The following SLC35F3 variants were observed in gnomAD, a reference collection of about 807,000 sequenced individuals.
SLC35F3 encodes the protein putative thiamine transporter SLC35F3.
A neutral mutation model predicts 49.9 loss-of-function variants in SLC35F3; 25 were observed. The ratio of observed to expected loss-of-function variants is 0.50; its 90% CI spans 0.37 to 0.70. SLC35F3 has a LOEUF of 0.70. SLC35F3 is among the 30% of genes least tolerant of loss of function. The pLI, the probability that SLC35F3 is intolerant of heterozygous loss-of-function variation, is 0.00. For synonymous variants in SLC35F3, 275 were observed against 265.4 expected, an observed-to-expected ratio of 1.04 and a Z score of -0.35; for missense variants, 525 against 639.8, an observed-to-expected ratio of 0.82 and a Z score of 1.94.
intron 2 of SLC35F3, among the ~76,000 whole-genome samples, chr1:233,916,686 A>G (rs1338213762): frequency 6.6e-6 from 1 of 152,254 alleles, no homozygotes; most frequent in African/African-American, 2.4e-5. Context: ...TCTATCCGCA[A>G]CTGACATTGT....
At chr1:234,116,798 G>A (rs532698975) in intron 2 of SLC35F3, among the ~76,000 whole-genome samples, 2 of 152,294 alleles carry the variant, frequency 1.3e-5, no homozygotes, top group Non-Finnish European at 2.9e-5. Context: ...ACAGGCGTGA[G>A]CCACCGCGCC....
At chr1:234,105,428 C>G (rs918596472) in intron 2 of SLC35F3, among the ~76,000 whole-genome samples, 3 of 152,168 alleles carry the variant, frequency 2.0e-5, no homozygotes, top group Admixed American at 1.3e-4. Flanking sequence ...CCCTATGGGT[C>G]AATAGGTGTT....
intron 3 of SLC35F3, among the ~76,000 whole-genome samples, chr1:234,252,675 G>C (rs1352553737): frequency 6.6e-6 from 1 of 152,134 alleles, no homozygotes; most frequent in Non-Finnish European, 1.5e-5. Flanking sequence ...ATTTTTATCT[G>C]TCAAATTAAC....
intron 2 of SLC35F3, among the ~76,000 whole-genome samples, chr1:234,184,910 C>G (rs952282244): frequency 6.6e-6 from 1 of 152,128 alleles, no homozygotes; most frequent in Non-Finnish European, 1.5e-5. Context: ...GGGCCTGCCC[C>G]CAGAGAGACT....
At chr1:234,221,278 G>A (rs1667200844) in intron 2 of SLC35F3, among the ~76,000 whole-genome samples, 1 of 152,116 alleles carries the variant, frequency 6.6e-6, no homozygotes, top group Non-Finnish European at 1.5e-5. Flanking sequence ...TAAGGGGGAG[G>A]GAGATAACTT....
intron 2 of SLC35F3, among the ~76,000 whole-genome samples, chr1:233,927,503 TAA>T: frequency 1.3e-5 from 2 of 152,206 alleles, no homozygotes; most frequent in South Asian, 4.2e-4. Flanking sequence ...GTGTACTACT[TAA>T]AAAAATTTCC....
At chr1:234,013,259 G>A (rs1663751890) in intron 2 of SLC35F3, among the ~76,000 whole-genome samples, 1 of 151,966 alleles carries the variant, frequency 6.6e-6, no homozygotes, top group Non-Finnish European at 1.5e-5. Flanking sequence ...GAAATCAAAA[G>A]GGAAATTTTT....
intron 2 of SLC35F3, among the ~76,000 whole-genome samples, chr1:234,054,616 C>T (rs553985620): frequency 3.9e-5 from 6 of 151,980 alleles, no homozygotes; most frequent in East Asian, 1.9e-4. Context: ...AGTTTATTAC[C>T]GATTGTCTGA....
At position 234,091,282 on chromosome 1, in the gene SLC35F3, T is replaced by C. The variant is rs577137119; in HGVS notation, c.284-140135T>C. On this transcript the variant is annotated intron_variant, in intron 2 of 7. Transcript: ENST00000366618. Reference sequence around the variant, plus strand: ...CTATCACCCTACCTTGAGGCTTTTGTTCTCCAGCCCTGCTGTCTGTTTACT... The same window carrying C: ...CTATCACCCTACCTTGAGGCTTTTGCTCTCCAGCCCTGCTGTCTGTTTACT... Among the ~76,000 whole-genome samples, 12 of 152,356 alleles carry C rather than the reference T, an allele frequency of 7.9e-5. 1 individual carries two copies. The East Asian group carries it at 2.1e-3, about 27-fold the overall frequency.
In SLC35F3 at chr1:234,316,648, A is replaced by C. The variant is rs761234480; in HGVS notation, c.875A>C (p.Tyr292Ser). Residue 292 changes from tyrosine to serine, a missense_variant, in exon 5 of 8, where the codon TAC (tyrosine) becomes TCC (serine). This residue lies in a region of SLC35F3 where 216 missense variants were observed against 298.1 expected (regional missense o/e 0.72). Coordinates refer to ENST00000366618, the MANE Select transcript of SLC35F3 (RefSeq NM_173508.4). ...LAIAGIVMMT[Y>S]ADGFHSHSVI... ...ATCGCTGGCATTGTGATGATGACCT[A>C]CGCTGATGGCTTCCACAGCCACTCC... 6.2e-7 allele frequency: 1 copy of C among 1,613,456 alleles called. No individual in the cohort carries two copies.
At chr1:234,216,023 T>C (rs1237484612) in intron 2 of SLC35F3, among the ~76,000 whole-genome samples, 1 of 152,194 alleles carries the variant, frequency 6.6e-6, no homozygotes, top group Non-Finnish European at 1.5e-5. Flanking sequence ...GGCTGTCTTC[T>C]TCTCTCCTCC....
chr1:234,089,019 C>T (rs937552598), intron 2 of SLC35F3, among the ~76,000 whole-genome samples: 1 of 152,190 alleles, frequency 6.6e-6, no homozygotes, highest in African/African-American at 2.4e-5. Flanking sequence ...ACCTCGGCCC[C>T]CCAGAGTGCT....
intron 2 of SLC35F3, among the ~76,000 whole-genome samples, chr1:233,927,943 A>G (rs950808270): frequency 3.9e-5 from 6 of 152,214 alleles, no homozygotes; most frequent in South Asian, 2.1e-4. Context: ...TCTGAAAATC[A>G]TATCTTATAA....
rs772985261 is a variant in SLC35F3 at position 233,905,710 on chromosome 1, C to A, written c.235C>A (p.Arg79Ser). The A allele has an allele frequency of 3.7e-5, 60 of 1,614,044 alleles. No homozygotes were observed. The highest frequency in any genetic ancestry group is 5.1e-5 in the Non-Finnish European group (60 of 1,180,032). ...CACGTCCATCGAGGAGCGGATCCTG[C>A]GCATCACTGGCTACTATGGCTACCA... The part of the protein sequence containing the change: ...GLTSIEERIL[R>S]ITGYYGYQPW... The change falls in exon 2 of 8, where the codon CGC (arginine) becomes AGC (serine). Residue 79 changes from arginine to serine, a missense_variant. By Grantham distance (110) the Arg-to-Ser change is moderately radical. Coordinates refer to ENST00000366618, the MANE Select transcript of SLC35F3 (RefSeq NM_173508.4).
Position 233,920,618 on chromosome 1 carries a change from G to A in SLC35F3, c.283+14860G>A, listed in dbSNP as rs145268538. ...AATAATCACCTCCCCTTGAGTGTGCGTGGGACCTGTGACTAACTTCTAAGC... is the reference window on the plus strand; with the variant it reads ...AATAATCACCTCCCCTTGAGTGTGCATGGGACCTGTGACTAACTTCTAAGC... On this transcript the variant is annotated intron_variant, in intron 2 of 7. Coordinates refer to ENST00000366618, the MANE Select transcript of SLC35F3 (RefSeq NM_173508.4). 2.3e-3 allele frequency among the ~76,000 whole-genome samples: 343 copies of A among 152,338 alleles called. 3 individuals are homozygous for A. Among genetic ancestry groups the A allele is most frequent in the African/African-American group, 7.1e-3 (295 of 41,572 alleles).
intron 2 of SLC35F3, among the ~76,000 whole-genome samples, chr1:234,211,505 C>G (rs1458793487): frequency 1.3e-5 from 2 of 152,346 alleles, no homozygotes; most frequent in East Asian, 1.9e-4. Context: ...GGGAACCCCC[C>G]CCTTACATTG....
At chr1:234,098,219 G>A (rs1665155636) in intron 2 of SLC35F3, among the ~76,000 whole-genome samples, 1 of 150,826 alleles carries the variant, frequency 6.6e-6, no homozygotes, top group Admixed American at 6.6e-5. Flanking sequence ...GGTGGTGGTA[G>A]TGACGGTGTC....
intron 2 of SLC35F3, among the ~76,000 whole-genome samples, chr1:234,017,321 TG>T (rs1360452857): frequency 1.3e-5 from 2 of 152,172 alleles, no homozygotes; most frequent in Non-Finnish European, 1.5e-5. Context: ...ACTGAAGCAT[TG>T]CTCCTGGGAA....
chr1:233,939,428 C>G (rs1321542725), intron 2 of SLC35F3, among the ~76,000 whole-genome samples: 2 of 152,156 alleles, frequency 1.3e-5, no homozygotes, highest in Admixed American at 1.3e-4. Flanking sequence ...CCACTCCAGC[C>G]TGGGTGACAG....
Sources: gnomAD v4.1 joint callset for allele counts (sites outside exome capture counted in the v4.1 genomes callset) on GRCh38, gnomAD v4.1.1 for gene constraint, gnomAD v4.1.1 regional missense constraint, MANE v1.5 for transcripts, NCBI Gene and HGNC (gene_info 2026-07-23, HGNC 2026-07-21) for gene names.